Variants in ROBO2 observed in about 807,000 individuals in gnomAD.
ROBO2 encodes roundabout homolog 2.
In ROBO2, 53 loss-of-function variants were observed where a neutral mutation model predicts 160.8. The observed-to-expected ratio is 0.33, with a 90% CI of 0.26 to 0.41. The LOEUF (loss-of-function observed/expected upper bound fraction) is 0.41. ROBO2 is among the 10% of genes least tolerant of loss of function. The pLI is 1.00. For missense variants in ROBO2, 1,577 were observed against 1,722.4 expected (o/e 0.92, Z 1.49); for synonymous variants, 664 against 611.7 (o/e 1.09, Z -1.26).
chr3:76,392,525 G>C (rs1461314241), intron 2 of ROBO2, among the ~76,000 whole-genome samples: 2 of 152,076 alleles, frequency 1.3e-5, no homozygotes, highest in African/African-American at 4.8e-5. Context: ...TCATGACTGA[G>C]TAGCTATTTG....
chr3:76,822,585 A>G (rs1164080816), intron 2 of ROBO2, among the ~76,000 whole-genome samples: 1 of 151,894 alleles, frequency 6.6e-6, no homozygotes, highest in Non-Finnish European at 1.5e-5. Flanking sequence ...TCTTCAACCT[A>G]TTATCCACAA....
chr3:77,172,407 T>G lies in ROBO2; in HGVS notation c.388+74067T>G, dbSNP rs555568971. 2.9e-3 allele frequency among the ~76,000 whole-genome samples: 445 copies of G among 152,156 alleles called. 2 individuals carry two copies. The highest frequency in any genetic ancestry group is 9.8e-3 in the African/African-American group (408 of 41,552). On this transcript the variant is annotated intron_variant, in intron 2 of 25. Coordinates refer to ENST00000461745, the Ensembl canonical transcript of ROBO2. ...TATTTTCTTAAATGTCTTTTCTGAT[T>G]TTTTTTTAAAAATGTGTTAATTACA...
chr3:77,644,991 T>A, intron 25 of ROBO2, 87 bp downstream of exon 27: 1 of 1,368,016 alleles, frequency 7.3e-7, no homozygotes, highest in Non-Finnish European at 1.0e-6. Context: ...AATTTCAGAT[T>A]AATAGAAAAC....
chr3:76,774,071 T>C (rs1228346823), intron 2 of ROBO2, among the ~76,000 whole-genome samples: 1 of 150,856 alleles, frequency 6.6e-6, no homozygotes, highest in Non-Finnish European at 1.5e-5. Flanking sequence ...CATTGAATAA[T>C]TGAGCAAGCA....
intron 2 of ROBO2, among the ~76,000 whole-genome samples, chr3:76,332,203 G>C (rs974975032): frequency 6.6e-6 from 1 of 152,108 alleles, no homozygotes; most frequent in Non-Finnish European, 1.5e-5. Context: ...CCTTTGTCCT[G>C]TATCAAAAGT....
intron 2 of ROBO2, among the ~76,000 whole-genome samples, chr3:77,379,299 C>T (rs1440506006): frequency 6.6e-6 from 1 of 152,078 alleles, no homozygotes; most frequent in Non-Finnish European, 1.5e-5. Flanking sequence ...TACATGCATG[C>T]CTTTTGTTAA....
chr3:77,444,352 G>A (rs943642758), intron 2 of ROBO2, among the ~76,000 whole-genome samples: 7 of 152,124 alleles, frequency 4.6e-5, no homozygotes, highest in African/African-American at 9.7e-5. Flanking sequence ...CTCTGATTAG[G>A]TAGATATGTG....
At chr3:76,935,829 A>G (rs1224554701) in intron 2 of ROBO2, among the ~76,000 whole-genome samples, 1 of 152,130 alleles carries the variant, frequency 6.6e-6, no homozygotes, top group Non-Finnish European at 1.5e-5. Context: ...AGGGAGAAGG[A>G]GCTCTCTGGG....
intron 5 of ROBO2, among the ~76,000 whole-genome samples, chr3:77,505,868 T>C (rs1405898410): frequency 6.6e-6 from 1 of 152,166 alleles, no homozygotes; most frequent in South Asian, 2.1e-4. Flanking sequence ...GACTACTATA[T>C]ACAGTAATTT....
chr3:76,569,433 T>C (rs2084819448), intron 2 of ROBO2, among the ~76,000 whole-genome samples: 3 of 152,152 alleles, frequency 2.0e-5, no homozygotes, highest in Admixed American at 1.3e-4. Context: ...CTGACTTAGT[T>C]TGAGTCAGGC....
intron 2 of ROBO2, among the ~76,000 whole-genome samples, chr3:77,389,952 C>T (rs566281484): frequency 1.2e-4 from 18 of 152,260 alleles, no homozygotes; most frequent in East Asian, 7.7e-4. Context: ...TCATGTCAAA[C>T]GCATTCACTA....
intron 2 of ROBO2, among the ~76,000 whole-genome samples, chr3:76,987,017 C>T (rs2060415495): frequency 6.6e-6 from 1 of 152,098 alleles, no homozygotes; most frequent in Admixed American, 6.6e-5. Flanking sequence ...GTGCCAAAAG[C>T]ATGCATATTA....
intron 2 of ROBO2, among the ~76,000 whole-genome samples, chr3:76,931,669 G>A (rs1015529161): frequency 2.0e-5 from 3 of 151,682 alleles, no homozygotes; most frequent in Admixed American, 6.6e-5. Context: ...TTATATTTAC[G>A]GGGATGTTAT....
chr3:76,235,341 G>C (rs1704877769), intron 2 of ROBO2, among the ~76,000 whole-genome samples: 1 of 152,164 alleles, frequency 6.6e-6, no homozygotes, highest in African/African-American at 2.4e-5. Context: ...AGATTGGAGT[G>C]AATTTCTACA....
intron 2 of ROBO2, among the ~76,000 whole-genome samples, chr3:76,066,550 C>A (rs955698406): frequency 2.6e-5 from 4 of 151,388 alleles, no homozygotes; most frequent in African/African-American, 9.7e-5. Context: ...TTCAAATTAG[C>A]AAGAATAAAT....
chr3:76,886,730 A>G (rs2073921907), intron 2 of ROBO2, among the ~76,000 whole-genome samples: 1 of 152,000 alleles, frequency 6.6e-6, no homozygotes, highest in South Asian at 2.1e-4. Flanking sequence ...CATTCACGAA[A>G]CTGGATTCAA....
intron 14 of ROBO2, 26 bp downstream of exon 15, chr3:77,574,756 A>G (rs1294913220): frequency 1.3e-6 from 2 of 1,576,310 alleles, no homozygotes; most frequent in Non-Finnish European, 1.7e-6. Flanking sequence ...TCGAATATAA[A>G]TCAAACATGA....
intron 2 of ROBO2, among the ~76,000 whole-genome samples, chr3:76,812,909 ATTTTTTTTTTT>A (rs71104626): frequency 2.9e-5 from 3 of 104,656 alleles, no homozygotes; most frequent in Non-Finnish European, 3.7e-5. Context: ...AGAAGTATAA[ATTTTTTTTTTT>A]TTTTTTTTTT....
chr3:75,959,639 T>C (rs1260091496), intron 2 of ROBO2, among the ~76,000 whole-genome samples: 1 of 151,772 alleles, frequency 6.6e-6, no homozygotes, highest in Non-Finnish European at 1.5e-5. Flanking sequence ...TAATTTTCTA[T>C]TTACATTTTG....
Sources: allele counts gnomAD v4.1 joint callset (sites outside exome capture counted in the v4.1 genomes callset), GRCh38; gene constraint gnomAD v4.1.1; transcripts MANE v1.5; gene names NCBI Gene and HGNC (gene_info 2026-07-23, HGNC 2026-07-21).